Variants in SMAD2 observed in about 807,000 individuals in gnomAD.
SMAD2 encodes MAD homolog 2.
SMAD2 carries 8 observed loss-of-function variants against 64.4 expected under a neutral mutation model. The observed-to-expected ratio is 0.12, with a 90% CI of 0.07 to 0.22. SMAD2 has a LOEUF of 0.22. Ranked by LOEUF, SMAD2 falls within the 10% of genes least tolerant of loss-of-function variation. The pLI, the probability that SMAD2 is intolerant of heterozygous loss-of-function variation, is 1.00. For missense variants in SMAD2, 289 were observed against 561.2 expected (o/e 0.51, Z 4.90); for synonymous variants, 203 against 195.8 (o/e 1.04, Z -0.31).
At chr18:47,885,158 CACACACACACACACACACACACACAT>C (rs1443788474) in intron 2 of SMAD2, among the ~76,000 whole-genome samples, 1 of 150,856 alleles carries the variant, frequency 6.6e-6, no homozygotes, top group African/African-American at 2.4e-5. Flanking sequence ...CACACACACA[CACACACACACACACACACACACACAT>C]ATACCCTCCC....
chr18:47,911,867 C>T (rs1357361467), intron 1 of SMAD2, among the ~76,000 whole-genome samples: 1 of 152,186 alleles, frequency 6.6e-6, no homozygotes, highest in Non-Finnish European at 1.5e-5. Flanking sequence ...TAATCATCTA[C>T]CAACTAATAA....
chr18:47,896,342 T>C (rs1221027745), intron 2 of SMAD2, among the ~76,000 whole-genome samples, 179 bp downstream of exon 2: 2 of 152,250 alleles, frequency 1.3e-5, no homozygotes, highest in Non-Finnish European at 2.9e-5. Context: ...TAAACCTCAC[T>C]ATTCAAGAAA....
chr18:47,909,783 T>C (rs1385681899), intron 1 of SMAD2, among the ~76,000 whole-genome samples: 1 of 152,180 alleles, frequency 6.6e-6, no homozygotes, highest in Non-Finnish European at 1.5e-5. Flanking sequence ...AAAGACTGCC[T>C]TTTAAAGTTC....
At chr18:47,922,928 A>C (rs1003267597) in intron 1 of SMAD2, among the ~76,000 whole-genome samples, 3 of 152,260 alleles carry the variant, frequency 2.0e-5, no homozygotes, top group African/African-American at 7.2e-5. Context: ...AAAAGCAAAC[A>C]GAAAACATTC....
At chr18:47,876,176 C>T (rs910842781) in intron 2 of SMAD2, among the ~76,000 whole-genome samples, 8 of 151,852 alleles carry the variant, frequency 5.3e-5, no homozygotes, top group Admixed American at 2.6e-4. Context: ...TAGCAATATC[C>T]CAAACACATT....
At chr18:47,897,775 T>C (rs1413367488) in intron 1 of SMAD2, among the ~76,000 whole-genome samples, 5 of 152,206 alleles carry the variant, frequency 3.3e-5, no homozygotes, top group African/African-American at 1.2e-4. Context: ...TTCCTGATCC[T>C]TTAATTGGGG....
In SMAD2 at chr18:47,830,368, G is replaced by C. The variant is rs1410165365; in HGVS notation, c.*11459C>G. 6.6e-6 allele frequency: 1 copy of C among 152,038 alleles called. No individual in the cohort carries two copies. Among genetic ancestry groups the C allele is most frequent in the Non-Finnish European group, 1.5e-5 (1 of 68,044 alleles). 9.4% of individuals were successfully genotyped at this position (152,038 alleles called of 1,614,324 possible). A position where few individuals can be genotyped will look rare whatever the true frequency, so the allele number is the denominator to read the frequency against. ...GAGGCAGGCAAATCATCTGAGGTCA[G>C]GAGTTCAAGACCAGCCTGGCAAACA... On this transcript the variant is annotated 3_prime_UTR_variant, in exon 11 of 11. Transcript: ENST00000262160.
rs939393202 is a variant in SMAD2, at chr18:47,824,640, A to C, written c.*17187T>G. Reference sequence around the variant, plus strand: ...AAACTAAATTCTAGCTGATCAATAAAATTCTTTGGTTCTACTGTATACTTT... The same window carrying C: ...AAACTAAATTCTAGCTGATCAATAACATTCTTTGGTTCTACTGTATACTTT... On this transcript the variant is annotated 3_prime_UTR_variant, in exon 11 of 11. Transcript: ENST00000262160. 1 of 152,198 alleles carries C rather than the reference A, an allele frequency of 6.6e-6. No individual in the cohort carries two copies. The highest frequency in any genetic ancestry group is 2.4e-5 in the African/African-American group (1 of 41,440). The allele number at this position is 152,198 out of a possible 1,614,324, so 9.4% of individuals were successfully genotyped here.
chr18:47,874,016 C>T (rs550153522), intron 2 of SMAD2, among the ~76,000 whole-genome samples: 26 of 152,306 alleles, frequency 1.7e-4, no homozygotes, highest in African/African-American at 5.1e-4. Flanking sequence ...TCTGCCCAAA[C>T]TCAACTTTGC....
intron 1 of SMAD2, among the ~76,000 whole-genome samples, chr18:47,909,689 C>A (rs1328596805): frequency 6.6e-6 from 1 of 152,152 alleles, no homozygotes; most frequent in Non-Finnish European, 1.5e-5. Flanking sequence ...GCTGCCACAA[C>A]AAAAAGGCCA....
intron 6 of SMAD2, among the ~76,000 whole-genome samples, chr18:47,857,190 T>G (rs1043708728): frequency 6.6e-6 from 1 of 152,218 alleles, no homozygotes; most frequent in East Asian, 1.9e-4. Flanking sequence ...CATAATCTTA[T>G]GTGTAGAACA....
chr18:47,863,505 T>C (rs1252284163), intron 6 of SMAD2, among the ~76,000 whole-genome samples: 1 of 152,212 alleles, frequency 6.6e-6, no homozygotes, highest in Non-Finnish European at 1.5e-5. Context: ...TGTGTTTCAG[T>C]TATATTGCTG....
rs1321629321 is a variant in SMAD2, at chr18:47,817,347, A to G, written c.*24480T>C. 2 of 152,262 alleles carry G rather than the reference A, an allele frequency of 1.3e-5. No individual in the cohort carries two copies. Among genetic ancestry groups the G allele is most frequent in the Non-Finnish European group, 2.9e-5 (2 of 68,054 alleles). The allele number at this position is 152,262 out of a possible 1,614,324, so 9.4% of individuals were successfully genotyped here. Reference sequence around the variant, plus strand: ...TGACTTTGGATTTGTCTTGGTTCTAAGACCACTTTAATAAAGGACTTTACA... The same window carrying G: ...TGACTTTGGATTTGTCTTGGTTCTAGGACCACTTTAATAAAGGACTTTACA... On this transcript the variant is annotated 3_prime_UTR_variant, in exon 11 of 11. Coordinates refer to ENST00000262160, the MANE Select transcript of SMAD2 (RefSeq NM_005901.6).
At chr18:47,848,382 A>T in intron 8 of SMAD2, 93 bp downstream of exon 8, 2 of 962,284 alleles carry the variant, frequency 2.1e-6, no homozygotes, top group Non-Finnish European at 3.3e-6. Flanking sequence ...AGCTGGTTTT[A>T]CTGCACACAA....
At chr18:47,872,135 C>A (rs1484135463) in intron 2 of SMAD2, among the ~76,000 whole-genome samples, 1 of 152,118 alleles carries the variant, frequency 6.6e-6, no homozygotes, top group Non-Finnish European at 1.5e-5. Flanking sequence ...CAGATCTAGA[C>A]CCCAACCCTA....
chr18:47,891,730 C>G (rs1374353667), intron 2 of SMAD2, among the ~76,000 whole-genome samples: 1 of 151,742 alleles, frequency 6.6e-6, no homozygotes, highest in East Asian at 1.9e-4. Context: ...CATAAACATA[C>G]AAATATCAGA....
At chr18:47,887,665 C>A (rs976478476) in intron 2 of SMAD2, among the ~76,000 whole-genome samples, 2 of 152,202 alleles carry the variant, frequency 1.3e-5, no homozygotes. Flanking sequence ...CAAACTCTGA[C>A]AAAGTGCTGG....
At chr18:47,901,549 T>C (rs2033684246) in intron 1 of SMAD2, among the ~76,000 whole-genome samples, 2 of 144,452 alleles carry the variant, frequency 1.4e-5, no homozygotes, top group Admixed American at 1.4e-4. Context: ...ATATTCTATA[T>C]CCAATTTTTT....
In SMAD2 at chr18:47,816,088, G is replaced by A. The variant is rs1912355258; in HGVS notation, c.*25739C>T. 1 of 152,202 alleles carries A rather than the reference G, an allele frequency of 6.6e-6. No individual in the cohort carries two copies. Among genetic ancestry groups the A allele is most frequent in the African/African-American group, 2.4e-5 (1 of 41,454 alleles). The allele number at this position is 152,202 out of a possible 1,614,324, so 9.4% of individuals were successfully genotyped here. A position where few individuals can be genotyped will look rare whatever the true frequency, so the allele number is the denominator to read the frequency against. On this transcript the variant is annotated 3_prime_UTR_variant, in exon 11 of 11. Transcript: ENST00000262160. ...AAGAGACGGTAAACACATACCTCATGTCTTGGCTTCTAGAGCCCGGAGATA... is the reference window on the plus strand; with the variant it reads ...AAGAGACGGTAAACACATACCTCATATCTTGGCTTCTAGAGCCCGGAGATA...
Sources: allele counts gnomAD v4.1 joint callset (sites outside exome capture counted in the v4.1 genomes callset), GRCh38; gene constraint gnomAD v4.1.1; transcripts MANE v1.5; gene names NCBI Gene and HGNC (gene_info 2026-07-23, HGNC 2026-07-21).